The following FSIP1 variants were observed in gnomAD, a reference collection of about 807,000 sequenced individuals.
FSIP1 encodes the protein fibrous sheath interacting protein 1, also known as fibrous sheath-interacting protein 1.
Under a neutral mutation model 60.9 loss-of-function variants are expected in FSIP1, and 65 were observed. That is an observed-to-expected ratio of 1.07 (90% CI 0.87 to 1.31). The LOEUF is 1.31. Among genes scored for constraint, FSIP1 ranks in the 40% most tolerant of loss-of-function variants. The pLI, the probability that FSIP1 is intolerant of heterozygous loss-of-function variation, is 0.00. For synonymous variants in FSIP1, 209 were observed against 221.2 expected, an observed-to-expected ratio of 0.94 and a Z score of 0.49; for missense variants, 675 against 665.5, an observed-to-expected ratio of 1.01 and a Z score of -0.16.
At chr15:39,664,582 TCTCC>T (rs974337567) in intron 10 of FSIP1, among the ~76,000 whole-genome samples, 1 of 152,150 alleles carries the variant, frequency 6.6e-6, no homozygotes, top group Non-Finnish European at 1.5e-5. Context: ...CCTGCTCTTC[TCTCC>T]TTCAACCACC....
chr15:39,650,809 G>A (rs1362802550), intron 10 of FSIP1, among the ~76,000 whole-genome samples: 3 of 152,162 alleles, frequency 2.0e-5, no homozygotes, highest in Admixed American at 6.5e-5. Flanking sequence ...AACATTCTTC[G>A]GAAGTCTCTG....
intron 10 of FSIP1, among the ~76,000 whole-genome samples, chr15:39,668,146 A>G (rs1893570287): frequency 6.6e-6 from 1 of 151,888 alleles, no homozygotes; most frequent in African/African-American, 2.4e-5. Context: ...GCCGTTTTTA[A>G]TGATCTCAGA....
chr15:39,771,228 TG>T (rs1375065602), intron 2 of FSIP1, among the ~76,000 whole-genome samples: 1 of 152,190 alleles, frequency 6.6e-6, no homozygotes, highest in Non-Finnish European at 1.5e-5. Context: ...TCATAGGCCC[TG>T]GGGTTTGTAA....
intron 5 of FSIP1, among the ~76,000 whole-genome samples, chr15:39,743,617 A>C (rs940895919): frequency 6.6e-6 from 1 of 152,224 alleles, no homozygotes; most frequent in South Asian, 2.1e-4. Context: ...ATAATAGGAT[A>C]ATAGCCTCAA....
chr15:39,778,925 T>C (rs1472138340), intron 1 of FSIP1, among the ~76,000 whole-genome samples: 10 of 152,014 alleles, frequency 6.6e-5, no homozygotes, highest in South Asian at 2.1e-4. Flanking sequence ...TAAAGATAAA[T>C]TTCATAATTA....
intron 10 of FSIP1, among the ~76,000 whole-genome samples, chr15:39,690,878 C>A (rs1260420615): frequency 6.6e-6 from 1 of 152,220 alleles, no homozygotes; most frequent in Non-Finnish European, 1.5e-5. Context: ...GGCCCTAATG[C>A]TAGCCAGTTC....
Position 39,618,030 on chromosome 15 carries a change from T to G in FSIP1, c.1404A>C (p.Ala468=). 6.2e-7 allele frequency: 1 copy of G among 1,614,210 alleles called. No homozygotes were observed. Among genetic ancestry groups the G allele is most frequent in the Non-Finnish European group, 8.5e-7 (1 of 1,180,016 alleles). ...TKVQKTEVED[A]DMLESEECEA... is the part of the protein sequence containing the mutation. ...CACATTCTTCACTCTCAAGCATATC[T>G]GCATCTTCTACCTCAGTTTTCTGGA... The change falls in exon 11 of 12, where the codon GCA becomes GCC. Residue 468 remains alanine (A), a synonymous_variant. Transcript: ENST00000350221.
chr15:39,633,333 C>T (rs1250004340), intron 10 of FSIP1, among the ~76,000 whole-genome samples: 1 of 152,136 alleles, frequency 6.6e-6, no homozygotes, highest in Non-Finnish European at 1.5e-5. Context: ...CGCAATCTGC[C>T]TGCCTCTGCC....
At chr15:39,616,779 T>G (rs1242143038) in intron 11 of FSIP1, among the ~76,000 whole-genome samples, 1 of 152,088 alleles carries the variant, frequency 6.6e-6, no homozygotes, top group Non-Finnish European at 1.5e-5. Context: ...AGGAAATTCG[T>G]TTAGTGGTTG....
chr15:39,751,130 G>A (rs1456445529), intron 5 of FSIP1, among the ~76,000 whole-genome samples: 1 of 151,930 alleles, frequency 6.6e-6, no homozygotes, highest in African/African-American at 2.4e-5. Flanking sequence ...AACTATTGGT[G>A]AGGGTGTGGA....
At chr15:39,666,128 C>T (rs1370033413) in intron 10 of FSIP1, among the ~76,000 whole-genome samples, 1 of 152,100 alleles carries the variant, frequency 6.6e-6, no homozygotes, top group East Asian at 1.9e-4. Context: ...TCAACTATGT[C>T]GATCTGTCAT....
At chr15:39,622,747 A>G (rs1057244409) in intron 10 of FSIP1, among the ~76,000 whole-genome samples, 3 of 152,216 alleles carry the variant, frequency 2.0e-5, no homozygotes, top group African/African-American at 7.2e-5. Context: ...GAATCCAGGT[A>G]GTCTGGGTCC....
intron 9 of FSIP1, among the ~76,000 whole-genome samples, chr15:39,725,915 G>A (rs1224780175): frequency 1.3e-5 from 2 of 151,880 alleles, no homozygotes; most frequent in African/African-American, 2.4e-5. Context: ...CTCTCGAGTA[G>A]CTGGGATTAC....
intron 10 of FSIP1, among the ~76,000 whole-genome samples, chr15:39,671,473 T>C (rs1449962766): frequency 1.3e-5 from 2 of 152,204 alleles, no homozygotes; most frequent in African/African-American, 4.8e-5. Context: ...AATGTTTAAT[T>C]TGGTTATATT....
chr15:39,706,693 A>T (rs898265876), intron 10 of FSIP1, among the ~76,000 whole-genome samples: 7 of 152,206 alleles, frequency 4.6e-5, no homozygotes, highest in Non-Finnish European at 7.3e-5. Context: ...TTTTCCCTTT[A>T]AATACTGTGT....
intron 10 of FSIP1, among the ~76,000 whole-genome samples, chr15:39,625,055 C>T (rs184618383): frequency 6.6e-6 from 1 of 152,282 alleles, no homozygotes; most frequent in East Asian, 1.9e-4. Context: ...TTATGTGGGG[C>T]CTGGCATGGC....
At chr15:39,734,122 T>G (rs1896520842) in intron 8 of FSIP1, among the ~76,000 whole-genome samples, 1 of 152,156 alleles carries the variant, frequency 6.6e-6, no homozygotes, top group South Asian at 2.1e-4. Flanking sequence ...GATAAAATTG[T>G]GAACTCCAAA....
At chr15:39,686,296 G>A (rs1364295068) in intron 10 of FSIP1, among the ~76,000 whole-genome samples, 2 of 152,132 alleles carry the variant, frequency 1.3e-5, no homozygotes, top group African/African-American at 2.4e-5. Flanking sequence ...AGTATTAGCA[G>A]TATAAAATTC....
At chr15:39,776,567 C>T in intron 1 of FSIP1, 36 bp from the exon 2 acceptor site, 2 of 1,517,580 alleles carry the variant, frequency 1.3e-6, no homozygotes, top group Non-Finnish European at 9.0e-7. Flanking sequence ...TACCAAGCGA[C>T]TCGGATATTT....
Sources: allele counts gnomAD v4.1 joint callset (sites outside exome capture counted in the v4.1 genomes callset), GRCh38; gene constraint gnomAD v4.1.1; transcripts MANE v1.5; gene names NCBI Gene and HGNC (gene_info 2026-07-23, HGNC 2026-07-21).